The following TGM7 variants were observed in gnomAD, a reference collection of about 807,000 sequenced individuals.
TGM7 encodes protein-glutamine gamma-glutamyltransferase Z.
A neutral mutation model predicts 79.5 loss-of-function variants in TGM7; 74 were observed. The observed-to-expected ratio is 0.93, with a 90% CI of 0.77 to 1.13. The LOEUF is 1.13. TGM7 is among the 50% of genes most tolerant of loss of function. The pLI, the probability that TGM7 is intolerant of heterozygous loss-of-function variation, is 0.00. For synonymous variants in TGM7, 354 were observed against 362.5 expected (o/e 0.98, Z 0.27); for missense variants, 912 against 905.9 (o/e 1.01, Z -0.09).
intron 1 of TGM7, among the ~76,000 whole-genome samples, chr15:43,296,558 G>A (rs948936615): frequency 2.6e-5 from 4 of 151,826 alleles, no homozygotes; most frequent in African/African-American, 9.7e-5. Context: ...AAGCCTCTCC[G>A]TCCCATACAC....
intron 4 of TGM7, among the ~76,000 whole-genome samples, chr15:43,289,601 A>T (rs1027728625): frequency 7.2e-5 from 11 of 152,076 alleles, no homozygotes; most frequent in African/African-American, 2.7e-4. Context: ...GCTGGGTCAA[A>T]TGGTATTTCT....
At chr15:43,300,580 T>C (rs541420395) in intron 1 of TGM7, among the ~76,000 whole-genome samples, 1 of 152,296 alleles carries the variant, frequency 6.6e-6, no homozygotes, top group South Asian at 2.1e-4. Context: ...GGCGGGTGGA[T>C]CACGAGGTCA....
intron 11 of TGM7, 64 bp from the exon 12 acceptor site, chr15:43,277,059 T>C: frequency 6.3e-7 from 1 of 1,581,884 alleles, no homozygotes; most frequent in Non-Finnish European, 8.6e-7. Context: ...CTGGTTCAGT[T>C]ACCCCCACCC....
In TGM7 at chr15:43,276,993, C is replaced by T. The variant is rs770644993; in HGVS notation, c.1842G>A (p.Val614=). ...CLEPPHLSIE[V]SERAEVGKAL... ...CCTTGCCCACCTCAGCCCTCTCAGA[C>T]ACCTGTGTGGAGAGAAGTCAGCAAT... Residue 614 remains valine, a splice_region_variant and synonymous_variant, in exon 12 of 13, where the codon GTG becomes GTA. Transcript: ENST00000452443. The T allele has an allele frequency of 6.2e-7, 1 of 1,613,968 alleles. No individual in the cohort carries two copies. Among genetic ancestry groups the T allele is most frequent in the South Asian group, 1.1e-5 (1 of 91,058 alleles).
At chr15:43,283,998 A>T (rs918017007) in intron 7 of TGM7, among the ~76,000 whole-genome samples, 3 of 152,198 alleles carry the variant, frequency 2.0e-5, no homozygotes, top group African/African-American at 7.2e-5. Flanking sequence ...ATCTGAGGTC[A>T]AGAGTTCGAG....
chr15:43,294,253 C>G (rs762057869), intron 1 of TGM7, among the ~76,000 whole-genome samples: 44 of 152,190 alleles, frequency 2.9e-4, no homozygotes, highest in Non-Finnish European at 5.6e-4. Context: ...TAACTTACTT[C>G]TGACTTCTCA....
Position 43,282,527 on chromosome 15 carries a change from C to G in TGM7, c.1098G>C (p.Gln366His). Reference protein sequence around the residue: ...GWQVLDPTPQQTSSGLFCCGP... With the variant: ...GWQVLDPTPQHTSSGLFCCGP... ...ATGGTCCTCACTCACCACTGCTGGT[C>G]TGCTGGGGAGTGGGGTCCAGAACCT... Residue 366 changes from glutamine to histidine, a missense_variant, in exon 8 of 13, where the codon CAG (glutamine) becomes CAC (histidine). Gln to His is a conservative substitution (Grantham distance 24). Transcript: ENST00000452443. 2 of 1,589,654 alleles carry G rather than the reference C, an allele frequency of 1.3e-6. No homozygotes were observed. Among genetic ancestry groups the G allele is most frequent in the African/African-American group, 1.3e-5 (1 of 74,748 alleles).
chr15:43,285,386 A>T (rs910141266), intron 6 of TGM7, among the ~76,000 whole-genome samples: 5 of 152,320 alleles, frequency 3.3e-5, no homozygotes, highest in South Asian at 2.1e-4. Flanking sequence ...ACAAAAAAAA[A>T]TTAGCTGGGT....
intron 1 of TGM7, among the ~76,000 whole-genome samples, chr15:43,300,166 C>T (rs757176260): frequency 1.3e-5 from 2 of 152,220 alleles, no homozygotes; most frequent in African/African-American, 2.4e-5. Context: ...TCTTCCCAAG[C>T]ATTTCAGAAC....
intron 3 of TGM7, 44 bp downstream of exon 3, chr15:43,292,665 C>G: frequency 6.2e-7 from 1 of 1,604,364 alleles, no homozygotes; most frequent in Non-Finnish European, 8.5e-7. Flanking sequence ...ACAGGGCCTT[C>G]CCAATGGATC....
At chr15:43,277,043 T>G (rs2042881770) in intron 11 of TGM7, 48 bp from the exon 12 acceptor site, 1 of 1,600,372 alleles carries the variant, frequency 6.2e-7, no homozygotes. Context: ...GCCTCGCTTC[T>G]GCACTCTGGT....
In TGM7 at chr15:43,292,732, A is replaced by G. The variant is rs773551176; in HGVS notation, c.416T>C (p.Leu139Pro). 3 of 1,614,180 alleles carry G rather than the reference A, an allele frequency of 1.9e-6. No homozygotes were observed. The highest frequency in any genetic ancestry group is 2.2e-5 in the East Asian group (1 of 44,888). The change falls in exon 3 of 13, where the codon CTA (leucine) becomes CCA (proline). Residue 139 changes from leucine (L) to proline (P), a missense_variant. Transcript: ENST00000452443. ...SVTYPLGTFI[L>P]LFNPWSPEDD... ...ACCTGGACTCCAAGGGTTAAAAAGT[A>G]GGATGAAAGTTCCCAGCGGGTAAGT...
chr15:43,276,704 C>G, intron 12 of TGM7, 90 bp from the exon 13 acceptor site: 3 of 1,542,418 alleles, frequency 1.9e-6, no homozygotes, highest in East Asian at 4.5e-5. Context: ...GTAAGAGGCT[C>G]CCACTCACCA....
In TGM7 at chr15:43,287,566, T is replaced by C. The variant is rs529564934; in HGVS notation, c.662A>G (p.Tyr221Cys). The change falls in exon 5 of 13, where the codon TAT (tyrosine) becomes TGT (cysteine). Residue 221 changes from tyrosine (Y) to cysteine (C), a missense_variant. Transcript: ENST00000452443. ...CATGGCACTCACCACCCTGCACACA[T>C]ACACCACGTCGTTCCGCTGGGAACA... ...KDCSQRNDVV[Y>C]VCRVVSAMIN... The C allele has an allele frequency of 1.2e-6, 2 of 1,614,110 alleles. No homozygotes were observed. The highest frequency in any genetic ancestry group is 1.7e-6 in the Non-Finnish European group (2 of 1,179,996).
intron 1 of TGM7, 152 bp downstream of exon 1, chr15:43,302,089 A>G (rs1271953492): frequency 3.6e-6 from 3 of 843,542 alleles, no homozygotes; most frequent in Non-Finnish European, 6.0e-6. Flanking sequence ...ATGCAGATGG[A>G]GAAGTAAGAA....
chr15:43,278,147 T>C (rs1189516645), intron 11 of TGM7, among the ~76,000 whole-genome samples: 1 of 152,226 alleles, frequency 6.6e-6, no homozygotes, highest in Non-Finnish European at 1.5e-5. Context: ...GGTCTGGAGC[T>C]GCCCAGTTCT....
At chr15:43,277,592 G>GT (rs1188546500) in intron 11 of TGM7, among the ~76,000 whole-genome samples, 1 of 152,240 alleles carries the variant, frequency 6.6e-6, no homozygotes, top group Non-Finnish European at 1.5e-5. Flanking sequence ...ATGCACTCGA[G>GT]TTTTTCCAGG....
At chr15:43,297,128 C>G (rs1195824766) in intron 1 of TGM7, among the ~76,000 whole-genome samples, 1 of 152,076 alleles carries the variant, frequency 6.6e-6, no homozygotes, top group Non-Finnish European at 1.5e-5. Flanking sequence ...ATAAAAGGAT[C>G]AAATATATCC....
At position 43,276,873 on chromosome 15, in the gene TGM7, C is replaced by T. The variant is rs2042880485; in HGVS notation, c.1962G>A (p.Gln654=). 1 of 1,614,092 alleles carries T rather than the reference C, an allele frequency of 6.2e-7. No individual in the cohort carries two copies. Among genetic ancestry groups the T allele is most frequent in the East Asian group, 2.2e-5 (1 of 44,884 alleles). ...GAAGCGTCACTTACTCCTTTGCTAT[C>T]TGCCCATTGATGAGGCCGCTTCCTT... The part of the protein sequence containing the change: ...VLEGSGLING[Q]IAKDLGTLVA... Residue 654 remains glutamine, a synonymous_variant, in exon 12 of 13, where the codon CAG becomes CAA. Coordinates refer to ENST00000452443, the MANE Select transcript of TGM7 (RefSeq NM_052955.3).
Sources: allele counts gnomAD v4.1 joint callset (sites outside exome capture counted in the v4.1 genomes callset), GRCh38; gene constraint gnomAD v4.1.1; transcripts MANE v1.5; gene names NCBI Gene and HGNC (gene_info 2026-07-23, HGNC 2026-07-21).